The following NBAS variants were observed in gnomAD, a reference collection of about 807,000 sequenced individuals.
The protein encoded by NBAS is NBAS subunit of NRZ tethering complex.
NBAS carries 219 observed loss-of-function variants against 302.5 expected under a neutral mutation model. The observed-to-expected ratio is 0.72, with a 90% confidence interval of 0.65 to 0.81. The LOEUF is 0.81. Ranked by LOEUF, NBAS falls within the 30% of genes least tolerant of loss-of-function variation. NBAS has a pLI of 0.00. For synonymous variants in NBAS, 1,118 were observed against 1,021.6 expected (o/e 1.09, Z -1.80); for missense variants, 2,932 against 2,841.6 (o/e 1.03, Z -0.72).
the NBAS span, among the ~76,000 whole-genome samples, chr2:15,104,820 T>A: frequency 1.7e-3 from 252 of 152,276 alleles, no homozygotes; most frequent in African/African-American, 5.6e-3. Flanking sequence ...AGCTTTTTTT[T>A]AATATGTTTG....
intron 35 of NBAS, among the ~76,000 whole-genome samples, chr2:15,332,070 G>C (rs145280549): frequency 1.3e-5 from 2 of 152,260 alleles, no homozygotes; most frequent in African/African-American, 4.8e-5. Flanking sequence ...GGGAACCACA[G>C]GCCAAAGAAT....
At chr2:15,532,300 T>C (rs534681917) in intron 9 of NBAS, among the ~76,000 whole-genome samples, 24 of 151,778 alleles carry the variant, frequency 1.6e-4, no homozygotes, top group Middle Eastern at 3.4e-3. Context: ...CCATCCTGGC[T>C]AACATGGTGA....
chr2:15,464,444 CTCCTAAAAAGCCTCA>C (rs1229755462), intron 19 of NBAS, among the ~76,000 whole-genome samples: 1 of 152,104 alleles, frequency 6.6e-6, no homozygotes, highest in Non-Finnish European at 1.5e-5. Flanking sequence ...CATATCTCTG[CTCCTAAAAAGCCTCA>C]AAATCCCACC....
Position 15,561,288 on chromosome 2 carries a change from G to T in NBAS, c.17C>A (p.Ser6Ter), listed in dbSNP as rs202020492. Residue 6 changes from serine to a stop codon, truncating the protein, a stop_gained, in exon 1 of 52, where the codon TCA (serine) becomes TAA (stop). Coordinates refer to ENST00000281513, the MANE Select transcript of NBAS (RefSeq NM_015909.4). LOFTEE classifies it high-confidence loss of function. ...AGTGCCTGGACTCAAAGCCGGCCCT[G>T]ACTCGGGGGCCGCCATGTTCGCCGA... MAAPE[S>*]GPALSPGTAE... 6.2e-6 allele frequency: 10 copies of T among 1,613,390 alleles called. No individual in the cohort carries two copies. The highest frequency in any genetic ancestry group is 8.5e-6 in the Non-Finnish European group (10 of 1,180,012).
chr2:15,014,887 A>G, the NBAS span, among the ~76,000 whole-genome samples: 2 of 151,756 alleles, frequency 1.3e-5, no homozygotes, highest in African/African-American at 4.8e-5. Flanking sequence ...TTGACAATAC[A>G]TTAGCTAGAC....
chr2:14,926,422 G>T, the NBAS span, among the ~76,000 whole-genome samples: 1 of 152,134 alleles, frequency 6.6e-6, no homozygotes, highest in African/African-American at 2.4e-5. Flanking sequence ...CTCCACTAAC[G>T]ATTAGCTGTT....
At chr2:15,121,727 A>AG in the NBAS span, among the ~76,000 whole-genome samples, 1 of 106,522 alleles carries the variant, frequency 9.4e-6, no homozygotes, top group Non-Finnish European at 2.3e-5. Context: ...ATATACAAAA[A>AG]AAATTTTTTT....
chr2:14,784,412 T>A, the NBAS span, among the ~76,000 whole-genome samples: 1 of 152,226 alleles, frequency 6.6e-6, no homozygotes. Context: ...TCCTGAATGG[T>A]AATGCCTAGG....
intron 27 of NBAS, among the ~76,000 whole-genome samples, chr2:15,394,759 T>C (rs1030121360): frequency 2.0e-5 from 3 of 152,094 alleles, no homozygotes; most frequent in Admixed American, 1.3e-4. Context: ...ACCAAGAATG[T>C]TAGAGTTAGA....
At chr2:14,977,155 G>C in the NBAS span, among the ~76,000 whole-genome samples, 1 of 152,074 alleles carries the variant, frequency 6.6e-6, no homozygotes, top group Non-Finnish European at 1.5e-5. Context: ...GCCATAGCCA[G>C]TATAAAATTA....
chr2:15,353,752 A>C (rs1673483392), intron 33 of NBAS, 42 bp from the exon 34 acceptor site: 2 of 1,613,450 alleles, frequency 1.2e-6, no homozygotes, highest in Non-Finnish European at 1.7e-6. Flanking sequence ...CAAAAGAAGA[A>C]GAATATTCAA....
chr2:15,327,632 T>G (rs542673629), intron 38 of NBAS, 118 bp downstream of exon 38: 2 of 1,201,414 alleles, frequency 1.7e-6, no homozygotes, highest in Admixed American at 3.6e-5. Context: ...TGTCAAGTTA[T>G]GCAATTCAAA....
chr2:14,866,473 A>G, the NBAS span, among the ~76,000 whole-genome samples: 1 of 152,260 alleles, frequency 6.6e-6, no homozygotes, highest in East Asian at 1.9e-4. Context: ...AGCAAAAACC[A>G]TAATATTATC....
At chr2:15,101,544 T>TA in the NBAS span, among the ~76,000 whole-genome samples, 11 of 152,050 alleles carry the variant, frequency 7.2e-5, no homozygotes, top group Non-Finnish European at 1.5e-4. Context: ...CATATAGTTT[T>TA]AAAAAAAGAA....
intron 25 of NBAS, among the ~76,000 whole-genome samples, chr2:15,408,267 G>A (rs570088228): frequency 3.3e-5 from 5 of 152,220 alleles, no homozygotes; most frequent in South Asian, 2.1e-4. Flanking sequence ...TTCAAAGTCT[G>A]GTTAAGATTA....
intron 44 of NBAS, among the ~76,000 whole-genome samples, chr2:15,252,485 C>T (rs775663037): frequency 1.7e-4 from 26 of 150,278 alleles, no homozygotes; most frequent in Non-Finnish European, 3.1e-4. Flanking sequence ...GCAACAAGAG[C>T]GAAACTCCAT....
the NBAS span, among the ~76,000 whole-genome samples, chr2:15,114,125 C>T: frequency 6.6e-6 from 1 of 152,152 alleles, no homozygotes; most frequent in African/African-American, 2.4e-5. Flanking sequence ...CTAGCCTCTT[C>T]CAAAATAAAT....
chr2:15,483,343 T>A lies in NBAS; in HGVS notation c.1084-5054A>T, dbSNP rs1340179414. 9.1e-5 allele frequency: 40 copies of A among 439,184 alleles called. No homozygotes were observed. In the Admixed American group the frequency reaches 1.1e-3, roughly 12 times the overall value. The allele number at this position is 439,184 out of a possible 1,614,324, so 27.2% of individuals were successfully genotyped here. On this transcript the variant is annotated intron_variant, in intron 12 of 51. Coordinates refer to ENST00000281513, the MANE Select transcript of NBAS (RefSeq NM_015909.4). ...TGCCATCTTCCCACTTACTCTTCAT[T>A]CATCTACTTAAGATTAGTCCAACAC...
At chr2:15,364,889 G>A (rs75574249) in intron 32 of NBAS, among the ~76,000 whole-genome samples, 5,412 of 152,144 alleles carry the variant, frequency 0.036, 151 homozygotes, top group Middle Eastern at 0.061. Flanking sequence ...AAAAATAAAT[G>A]GTTGTTTTTT....
Sources: allele counts gnomAD v4.1 joint callset (sites outside exome capture counted in the v4.1 genomes callset), GRCh38; gene constraint gnomAD v4.1.1; transcripts MANE v1.5; gene names NCBI Gene and HGNC (gene_info 2026-07-23, HGNC 2026-07-21).